The following CCDC149 variants were observed in gnomAD, a reference collection of about 807,000 sequenced individuals.
The protein encoded by CCDC149 is coiled-coil domain containing 149.
CCDC149 carries 45 observed loss-of-function variants against 59.9 expected under a neutral mutation model. The ratio of observed to expected loss-of-function variants is 0.75; its 90% confidence interval spans 0.59 to 0.96. The LOEUF (loss-of-function observed/expected upper bound fraction) is 0.96, where lower values mean the gene tolerates loss of function less well. Among genes scored for constraint, CCDC149 ranks in the 40% least tolerant of loss-of-function variants. The probability of loss-of-function intolerance (pLI) is 0.00; values close to 1 mark genes in which losing one functional copy is unlikely to be tolerated. For synonymous variants in CCDC149, 245 were observed against 260.6 expected (o/e 0.94, Z 0.58); for missense variants, 584 against 664.7 (o/e 0.88, Z 1.33).
chr4:24,960,677 G>A (rs781681361), intron 1 of CCDC149, among the ~76,000 whole-genome samples: 1 of 152,130 alleles, frequency 6.6e-6, no homozygotes, highest in Admixed American at 6.6e-5. Flanking sequence ...ATTTCATTAT[G>A]AAAAGGGTCA....
chr4:24,931,829 G>GTATATATATTTATATATATATATATATA, intron 1 of CCDC149, among the ~76,000 whole-genome samples: 1 of 76,934 alleles, frequency 1.3e-5, no homozygotes, highest in Non-Finnish European at 2.4e-5. Flanking sequence ...TGGAGAGTAT[G>GTATATATATTTATATATATATATATATA]TATATATATA....
intron 12 of CCDC149, among the ~76,000 whole-genome samples, chr4:24,812,495 T>C (rs1714684655): frequency 6.6e-6 from 1 of 152,240 alleles, no homozygotes. Context: ...CTGGAAAATC[T>C]GCTGGCACTT....
intron 1 of CCDC149, among the ~76,000 whole-genome samples, chr4:24,908,711 C>T (rs372100951): frequency 5.5e-4 from 84 of 152,224 alleles, no homozygotes; most frequent in South Asian, 4.8e-3. Context: ...AAAACAACAA[C>T]GACAAAAACC....
intron 4 of CCDC149, among the ~76,000 whole-genome samples, chr4:24,852,761 T>C (rs998381939): frequency 2.0e-5 from 3 of 152,146 alleles, no homozygotes; most frequent in Non-Finnish European, 2.9e-5. Context: ...AGGGCGAAAG[T>C]ATAACATTTG....
At chr4:24,841,295 C>T (rs1481767808) in intron 4 of CCDC149, among the ~76,000 whole-genome samples, 1 of 152,116 alleles carries the variant, frequency 6.6e-6, no homozygotes, top group Non-Finnish European at 1.5e-5. Context: ...TTTTCCATTC[C>T]CAATATGCTT....
intron 1 of CCDC149, among the ~76,000 whole-genome samples, chr4:24,972,265 G>A (rs1341894073): frequency 1.4e-5 from 2 of 147,226 alleles, no homozygotes; most frequent in African/African-American, 2.6e-5. Context: ...TGTTGATTGT[G>A]GTTGAGGACT....
intron 1 of CCDC149, among the ~76,000 whole-genome samples, chr4:24,889,701 A>T (rs911204813): frequency 1.3e-5 from 2 of 152,254 alleles, no homozygotes; most frequent in African/African-American, 2.4e-5. Context: ...TAATAATTCA[A>T]TTCGGTTGCA....
At chr4:24,936,278 G>A (rs1405960879) in intron 1 of CCDC149, among the ~76,000 whole-genome samples, 3 of 151,588 alleles carry the variant, frequency 2.0e-5, no homozygotes, top group African/African-American at 7.3e-5. Flanking sequence ...TGCTTTTTGA[G>A]GTTTTCTTTT....
chr4:24,911,172 G>C (rs1721849392), intron 1 of CCDC149, among the ~76,000 whole-genome samples: 1 of 152,154 alleles, frequency 6.6e-6, no homozygotes, highest in African/African-American at 2.4e-5. Flanking sequence ...CAAAGCACAC[G>C]GCCTAGTGAG....
chr4:24,944,405 G>C (rs1486700775), intron 1 of CCDC149, among the ~76,000 whole-genome samples: 2 of 152,164 alleles, frequency 1.3e-5, no homozygotes, highest in Admixed American at 6.5e-5. Context: ...GTTGTGGGGT[G>C]GGGGGATGGG....
At chr4:24,912,536 A>G (rs1041673300) in intron 1 of CCDC149, among the ~76,000 whole-genome samples, 2 of 152,034 alleles carry the variant, frequency 1.3e-5, no homozygotes, top group Admixed American at 1.3e-4. Context: ...CCCGGATCCC[A>G]GGGCTTCAGC....
chr4:24,968,298 A>G (rs1156803064), intron 1 of CCDC149, among the ~76,000 whole-genome samples: 6 of 152,236 alleles, frequency 3.9e-5, no homozygotes, highest in Non-Finnish European at 7.3e-5. Context: ...GCACCTGTAT[A>G]TGCCGTCCTT....
chr4:24,967,553 C>T (rs1723836848), intron 1 of CCDC149, among the ~76,000 whole-genome samples: 1 of 151,700 alleles, frequency 6.6e-6, no homozygotes, highest in African/African-American at 2.4e-5. Flanking sequence ...AGACATCAGT[C>T]CAGAGAGCCA....
In CCDC149 at chr4:24,960,492, T is replaced by A. The variant is rs114666368; in HGVS notation, c.-65+19577A>T. Among the ~76,000 whole-genome samples the A allele has an allele frequency of 3.7e-3, 561 of 152,304 alleles. 8 individuals carry two copies. Among genetic ancestry groups the A allele is most frequent in the African/African-American group, 0.013 (541 of 41,568 alleles). On this transcript the variant is annotated intron_variant, in intron 1 of 12. Transcript: ENST00000389609. ...TGGATTGGATTAAAAATCATGATAC[T>A]ATTATATTCTGCCTACAAAAGAAGT...
At chr4:24,821,253 C>T (rs1205851551) in intron 10 of CCDC149, among the ~76,000 whole-genome samples, 166 bp from the exon 11 acceptor site, 1 of 151,824 alleles carries the variant, frequency 6.6e-6, no homozygotes, top group East Asian at 1.9e-4. Context: ...AGAAATTTCA[C>T]CAACTCATTT....
At position 24,831,670 on chromosome 4, in the gene CCDC149, T is replaced by C. The variant is rs1223505208; in HGVS notation, c.821-20A>G. 8.1e-6 allele frequency: 13 copies of C among 1,605,754 alleles called. No homozygotes were observed. ...CCTGAACTAGATAGGATACAAAATG[T>C]ATAACTCAGTCGTCATTCTTCTGAA... is the stretch of plus-strand genomic sequence containing the variant. On this transcript the variant is annotated intron_variant, in intron 8 of 12. Coordinates refer to ENST00000635206, the MANE Select transcript of CCDC149 (RefSeq NM_001330643.2).
At position 24,831,420 on chromosome 4, in the gene CCDC149, C is replaced by T. The variant is rs896279670; in HGVS notation, c.965+86G>A. On this transcript the variant is annotated intron_variant, in intron 9 of 12. Coordinates refer to ENST00000635206, the MANE Select transcript of CCDC149 (RefSeq NM_001330643.2). ...GGTCTCACCTTCCCTGCAGGTCCGTCGTTCCAGCTGGTTGACATTCACTTC... is the reference window on the plus strand; with the variant it reads ...GGTCTCACCTTCCCTGCAGGTCCGTTGTTCCAGCTGGTTGACATTCACTTC... 21 of 1,406,128 alleles carry T rather than the reference C, an allele frequency of 1.5e-5. 1 individual carries two copies. In the South Asian group the frequency reaches 1.8e-4, roughly 12 times the overall value. 87.1% of individuals were successfully genotyped at this position (1,406,128 alleles called of 1,614,324 possible).
chr4:24,807,394 CTGTCTT>C lies in CCDC149; in HGVS notation c.*989_*994del, dbSNP rs1425524798. Reference sequence around the variant, plus strand: ...CCATAAAAGGTCATGAGCTCTGTTTCTGTCTTTAAGATTCCCGTACTTGGTGGCACA... The same window carrying C: ...CCATAAAAGGTCATGAGCTCTGTTTCTAAGATTCCCGTACTTGGTGGCACA... On this transcript the variant is annotated 3_prime_UTR_variant, in exon 13 of 13. Transcript: ENST00000635206. 1 of 152,212 alleles carries C rather than the reference CTGTCTT, an allele frequency of 6.6e-6. No individual in the cohort carries two copies. Among genetic ancestry groups the C allele is most frequent in the Non-Finnish European group, 1.5e-5 (1 of 68,068 alleles). 9.4% of individuals were successfully genotyped at this position (152,212 alleles called of 1,614,324 possible). A position where few individuals can be genotyped will look rare whatever the true frequency, so the allele number is the denominator to read the frequency against.
At chr4:24,901,802 T>C (rs1721188886) in intron 1 of CCDC149, among the ~76,000 whole-genome samples, 1 of 152,176 alleles carries the variant, frequency 6.6e-6, no homozygotes, top group Admixed American at 6.5e-5. Flanking sequence ...CCTCCAGCCA[T>C]GCAGCAAGGG....
Sources: gnomAD v4.1 joint callset for allele counts (sites outside exome capture counted in the v4.1 genomes callset) on GRCh38, gnomAD v4.1.1 for gene constraint, MANE v1.5 for transcripts, NCBI Gene and HGNC (gene_info 2026-07-23, HGNC 2026-07-21) for gene names.